FSD1L: variants seen among roughly 807,000 people sequenced by gnomAD.
FSD1L encodes fibronectin type III and SPRY domain containing 1 like.
Under a neutral mutation model 71.6 loss-of-function variants are expected in FSD1L, and 45 were observed. The observed-to-expected ratio is 0.63, with a 90% confidence interval of 0.49 to 0.81. FSD1L has a LOEUF of 0.81. Ranked by LOEUF, FSD1L falls within the 30% of genes least tolerant of loss-of-function variation. The probability of loss-of-function intolerance (pLI) is 0.00; values close to 1 mark genes in which losing one functional copy is unlikely to be tolerated. For synonymous variants in FSD1L, 197 were observed against 207.2 expected, an observed-to-expected ratio of 0.95 and a Z score of 0.42; for missense variants, 561 against 618.1, an observed-to-expected ratio of 0.91 and a Z score of 0.98.
chr9:105,505,524 G>A (rs546725941), intron 7 of FSD1L, among the ~76,000 whole-genome samples: 1 of 152,172 alleles, frequency 6.6e-6, no homozygotes, highest in Non-Finnish European at 1.5e-5. Flanking sequence ...CTCCCAAAGT[G>A]CTGGGATTAC....
At chr9:105,476,673 T>C (rs1831824613) in intron 5 of FSD1L, among the ~76,000 whole-genome samples, 1 of 152,228 alleles carries the variant, frequency 6.6e-6, no homozygotes, top group African/African-American at 2.4e-5. Context: ...AATTTTGTAA[T>C]TGACAAAAGT....
At chr9:105,469,843 A>G (rs983470253) in intron 4 of FSD1L, among the ~76,000 whole-genome samples, 1 of 152,152 alleles carries the variant, frequency 6.6e-6, no homozygotes, top group Non-Finnish European at 1.5e-5. Flanking sequence ...ATCATTGACA[A>G]ATACAGTGTT....
intron 7 of FSD1L, among the ~76,000 whole-genome samples, chr9:105,496,560 A>C (rs1833420016): frequency 6.6e-6 from 1 of 152,128 alleles, no homozygotes; most frequent in Non-Finnish European, 1.5e-5. Context: ...TAGTTCTTTG[A>C]TTTCTTTCAT....
chr9:105,523,024 T>G, intron 10 of FSD1L: 1 of 1,614,144 alleles, frequency 6.2e-7, no homozygotes, highest in Non-Finnish European at 8.5e-7. Context: ...GGCCAAAAAT[T>G]TGACAATTTT....
chr9:105,443,767 G>A (rs932584662), upstream of FSD1L, among the ~76,000 whole-genome samples: 2 of 151,974 alleles, frequency 1.3e-5, no homozygotes, highest in Non-Finnish European at 2.9e-5. Context: ...CCATGTCTCT[G>A]TTAAAAAAAA....
At chr9:105,531,427 C>T (rs978246067) in intron 10 of FSD1L, among the ~76,000 whole-genome samples, 6 of 152,166 alleles carry the variant, frequency 3.9e-5, no homozygotes, top group African/African-American at 1.2e-4. Context: ...AGCTGAATAG[C>T]AACCATAGTC....
chr9:105,532,656 A>G (rs1589096477), intron 10 of FSD1L, among the ~76,000 whole-genome samples: 1 of 152,260 alleles, frequency 6.6e-6, no homozygotes, highest in Non-Finnish European at 1.5e-5. Flanking sequence ...ATTTTAATCT[A>G]CCTATCCACA....
chr9:105,471,987 A>G lies in FSD1L; in HGVS notation c.423A>G (p.Glu141=). 6.9e-7 allele frequency: 1 copy of G among 1,441,236 alleles called. No individual in the cohort carries two copies. Among genetic ancestry groups the G allele is most frequent in the Non-Finnish European group, 9.1e-7 (1 of 1,098,006 alleles). 89.3% of individuals were successfully genotyped at this position (1,441,236 alleles called of 1,614,324 possible). A position where few individuals can be genotyped will look rare whatever the true frequency, so the allele number is the denominator to read the frequency against. ...EFATRSLDIK[E]PEEFSKAARQ... is the part of the protein sequence containing the mutation. ...CAACAAGGTCATTAGATATAAAGGAACCTGAAGAATTTTCAAAGGTACACA... is the reference window on the plus strand; with the variant it reads ...CAACAAGGTCATTAGATATAAAGGAGCCTGAAGAATTTTCAAAGGTACACA... The change falls in exon 5 of 14, where the codon GAA becomes GAG. Residue 141 remains glutamate (E), a synonymous_variant. Transcript: ENST00000481272.
At position 105,510,477 on chromosome 9, in the gene FSD1L, TGCA is replaced by T. The variant is rs576616744; in HGVS notation, c.895+1765_895+1767del. 4.1e-4 allele frequency among the ~76,000 whole-genome samples: 63 copies of T among 152,328 alleles called. No homozygotes were observed. In the East Asian group the frequency reaches 0.012, roughly 28 times the overall value. On this transcript the variant is annotated intron_variant, in intron 9 of 13. Coordinates refer to ENST00000481272, the MANE Select transcript of FSD1L (RefSeq NM_001145313.3). ...TTGTTTACCAATTTATTTGGCTTGT[TGCA>T]GCCTTTTTCAACCAACCAGTAGAAA...
At chr9:105,451,034 A>G (rs1829963347) in intron 1 of FSD1L, among the ~76,000 whole-genome samples, 1 of 151,818 alleles carries the variant, frequency 6.6e-6, no homozygotes, top group Non-Finnish European at 1.5e-5. Flanking sequence ...ATCTTGGCTC[A>G]CTGCAAGCTC....
intron 10 of FSD1L, among the ~76,000 whole-genome samples, chr9:105,514,184 G>A (rs1834562508): frequency 6.6e-6 from 1 of 152,126 alleles, no homozygotes; most frequent in South Asian, 2.1e-4. Context: ...ACCAGAATGT[G>A]TTCTCTTTTC....
chr9:105,510,250 G>A (rs116326325), intron 9 of FSD1L, among the ~76,000 whole-genome samples: 3,802 of 152,184 alleles, frequency 0.025, 177 homozygotes, highest in African/African-American at 0.087. Flanking sequence ...AACCCTCTGC[G>A]GTAGGAATAG....
intron 1 of FSD1L, among the ~76,000 whole-genome samples, chr9:105,453,706 A>G (rs775403212): frequency 4.6e-5 from 7 of 152,196 alleles, no homozygotes; most frequent in Admixed American, 3.9e-4. Context: ...AAAATTAGAA[A>G]GATAGTGAAG....
chr9:105,544,385 A>G (rs1271712369), intron 13 of FSD1L, among the ~76,000 whole-genome samples: 9 of 151,860 alleles, frequency 5.9e-5, no homozygotes, highest in Non-Finnish European at 1.2e-4. Flanking sequence ...TTGCCTGTTC[A>G]CTCTGATGGT....
intron 12 of FSD1L, among the ~76,000 whole-genome samples, chr9:105,535,959 T>C (rs552899956): frequency 6.6e-6 from 1 of 152,220 alleles, no homozygotes; most frequent in South Asian, 2.1e-4. Context: ...TCAGAATGAC[T>C]CATGATATCT....
At chr9:105,471,724 TTATA>T (rs35702574) in intron 4 of FSD1L, among the ~76,000 whole-genome samples, 176 bp from the exon 5 acceptor site, 5,423 of 143,302 alleles carry the variant, frequency 0.038, 323 homozygotes, top group African/African-American at 0.13. Flanking sequence ...ATAACACGTT[TTATA>T]TATATATATA....
intron 1 of FSD1L, among the ~76,000 whole-genome samples, chr9:105,455,655 T>C (rs1830312577): frequency 6.6e-6 from 1 of 152,182 alleles, no homozygotes; most frequent in Non-Finnish European, 1.5e-5. Context: ...TGAATTTGAA[T>C]CATGACTGCC....
intron 10 of FSD1L, among the ~76,000 whole-genome samples, chr9:105,513,262 A>G (rs920307243): frequency 3.3e-5 from 5 of 152,132 alleles, no homozygotes; most frequent in African/African-American, 4.8e-5. Flanking sequence ...TAGATCACCT[A>G]TCTTACCTGC....
chr9:105,456,975 G>C (rs1237247216), intron 1 of FSD1L, among the ~76,000 whole-genome samples: 1 of 152,136 alleles, frequency 6.6e-6, no homozygotes, highest in Admixed American at 6.5e-5. Context: ...CTTGAGATCT[G>C]ATATAAAAAT....
Sources: gnomAD v4.1 joint callset for allele counts (sites outside exome capture counted in the v4.1 genomes callset) on GRCh38, gnomAD v4.1.1 for gene constraint, MANE v1.5 for transcripts, NCBI Gene and HGNC (gene_info 2026-07-23, HGNC 2026-07-21) for gene names.